The following SEC14L1 variants were observed in gnomAD, a reference collection of about 807,000 sequenced individuals.
The protein encoded by SEC14L1 is SEC14 like lipid binding 1.
In SEC14L1, 48 loss-of-function variants were observed where a neutral mutation model predicts 85.3. The ratio of observed to expected loss-of-function variants is 0.56; its 90% CI spans 0.45 to 0.72. The LOEUF (loss-of-function observed/expected upper bound fraction) is 0.72. Ranked by LOEUF, SEC14L1 falls within the 30% of genes least tolerant of loss-of-function variation. The pLI is 0.00. For synonymous variants in SEC14L1, 391 were observed against 355.5 expected, an observed-to-expected ratio of 1.10 and a Z score of -1.12; for missense variants, 682 against 921.4, an observed-to-expected ratio of 0.74 and a Z score of 3.36.
intron 3 of SEC14L1, among the ~76,000 whole-genome samples, chr17:77,105,373 A>ACCCCCCCCCC (rs796673679): frequency 3.6e-5 from 3 of 82,376 alleles, no homozygotes; most frequent in African/African-American, 5.1e-5. Flanking sequence ...CTCGCTGACC[A>ACCCCCCCCCC]CCCCCCCCCC....
rs538785679 is a variant in SEC14L1, at chr17:77,148,065, C to G, written c.63+4406C>G. ...CTAGGGTGCTTGAGTTGAAGTGTTT[C>G]TTTTTGAAATTTCTAAGATAAAGCA... On this transcript the variant is annotated intron_variant, in intron 3 of 16. Transcript: ENST00000436233. Among the ~76,000 whole-genome samples, 57 of 152,204 alleles carry G rather than the reference C, an allele frequency of 3.7e-4. 1 individual carries two copies. The highest frequency in any genetic ancestry group is 1.3e-3 in the African/African-American group (56 of 41,526).
rs80348478 is a variant in SEC14L1, at chr17:77,186,649, A to G, written c.64-4154A>G. On this transcript the variant is annotated intron_variant, in intron 3 of 16. Transcript: ENST00000436233. ...GATACAGGCAAGAAAACTGAGGGTGACTTTGAAGGAATTGTAGTAAAAACC... is the reference window on the plus strand; with the variant it reads ...GATACAGGCAAGAAAACTGAGGGTGGCTTTGAAGGAATTGTAGTAAAAACC... Among the ~76,000 whole-genome samples, 942 of 152,310 alleles carry G rather than the reference A, an allele frequency of 6.2e-3. 12 individuals are homozygous for G. The highest frequency in any genetic ancestry group is 0.022 in the African/African-American group (895 of 41,552).
intron 3 of SEC14L1, among the ~76,000 whole-genome samples, chr17:77,157,924 A>G (rs1973882427): frequency 6.6e-6 from 1 of 151,938 alleles, no homozygotes; most frequent in Admixed American, 6.5e-5. Flanking sequence ...CGGATTTAAC[A>G]TACACTAGAA....
intron 9 of SEC14L1, among the ~76,000 whole-genome samples, chr17:77,202,789 G>A (rs1241576529): frequency 6.6e-6 from 1 of 150,620 alleles, no homozygotes; most frequent in East Asian, 2.0e-4. Flanking sequence ...GCATGGCAGC[G>A]TGCGCCTGTA....
chr17:77,190,533 T>C (rs1975475374), intron 3 of SEC14L1, among the ~76,000 whole-genome samples: 1 of 152,250 alleles, frequency 6.6e-6, no homozygotes, highest in Non-Finnish European at 1.5e-5. Context: ...AAAACAATCT[T>C]GTCTATAATT....
intron 3 of SEC14L1, among the ~76,000 whole-genome samples, chr17:77,124,018 TA>T (rs2143413621): frequency 6.6e-6 from 1 of 152,370 alleles, no homozygotes; most frequent in South Asian, 2.1e-4. Context: ...TGGGTTCCTC[TA>T]TGAAAGCTTC....
Position 77,167,395 on chromosome 17 carries a change from G to A in SEC14L1, c.64-23408G>A, listed in dbSNP as rs191511309. ...AGTGATCCACCCACCTTGGCCTCTC[G>A]AAATGCTAGAATTACAGACATGAGC... On this transcript the variant is annotated intron_variant, in intron 3 of 16. Transcript: ENST00000436233. 2.8e-3 allele frequency among the ~76,000 whole-genome samples: 431 copies of A among 152,184 alleles called. 2 individuals are homozygous for A. The highest frequency in any genetic ancestry group is 9.6e-3 in the African/African-American group (399 of 41,526).
At chr17:77,120,482 CTT>C (rs111513781) in intron 3 of SEC14L1, among the ~76,000 whole-genome samples, 18 of 143,282 alleles carry the variant, frequency 1.3e-4, no homozygotes, top group Non-Finnish European at 1.4e-4. Context: ...TCTCCACATT[CTT>C]TTTTTTTTTT....
At position 77,190,913 on chromosome 17, in the gene SEC14L1, C is replaced by G. The variant is rs144815495; in HGVS notation, c.174C>G (p.Arg58=). 4,111 of 1,614,222 alleles carry G rather than the reference C, an allele frequency of 2.5e-3. 12 individuals are homozygous for G. The highest frequency in any genetic ancestry group is 3.2e-3 in the Non-Finnish European group (3,770 of 1,180,044). Reference sequence around the variant, plus strand: ...GGGCTATTCATGTCATTGAAAGGCGCTGCAAGCTGGATGTAGATGCACCCA... The same window carrying G: ...GGGCTATTCATGTCATTGAAAGGCGGTGCAAGCTGGATGTAGATGCACCCA... ...EDGAIHVIER[R]CKLDVDAPRL... Residue 58 remains arginine, a synonymous_variant, in exon 4 of 17, where the codon CGC becomes CGG. Coordinates refer to ENST00000436233, the MANE Select transcript of SEC14L1 (RefSeq NM_001143998.2).
chr17:77,204,144 A>G lies in SEC14L1; in HGVS notation c.1098+486A>G, dbSNP rs1449384350. On this transcript the variant is annotated intron_variant, in intron 10 of 16. Coordinates refer to ENST00000436233, the MANE Select transcript of SEC14L1 (RefSeq NM_001143998.2). ...TCCCAGAGAAGAAGATGGTCCTTCA[A>G]TTTGAAAACAAACAGAAACTTAAAA... 2.0e-5 allele frequency among the ~76,000 whole-genome samples: 3 copies of G among 152,156 alleles called. No homozygotes were observed. In the East Asian group the frequency reaches 5.8e-4, roughly 29 times the overall value.
intron 3 of SEC14L1, among the ~76,000 whole-genome samples, chr17:77,130,819 T>A (rs1268205744): frequency 6.6e-6 from 1 of 152,142 alleles, no homozygotes; most frequent in Non-Finnish European, 1.5e-5. Flanking sequence ...TTGTCCAAGC[T>A]GGTCTTGAAT....
chr17:77,151,268 T>TGTGG (rs1434187711), intron 3 of SEC14L1, among the ~76,000 whole-genome samples: 50 of 152,288 alleles, frequency 3.3e-4, no homozygotes, highest in Middle Eastern at 3.4e-3. Context: ...TGCCCTCGTT[T>TGTGG]GTAAAGTTGT....
At chr17:77,097,897 C>T (rs552199090) in intron 3 of SEC14L1, among the ~76,000 whole-genome samples, 1 of 152,244 alleles carries the variant, frequency 6.6e-6, no homozygotes, top group East Asian at 1.9e-4. Context: ...AGCCCCACTA[C>T]GGAGGAGCAC....
In SEC14L1 at chr17:77,209,755, T is replaced by TAGGA; in HGVS notation, c.1611+281_1611+284dup. 3 of 306,726 alleles carry TAGGA rather than the reference T, an allele frequency of 9.8e-6. No homozygotes were observed. In the East Asian group the frequency reaches 1.8e-4, roughly 18 times the overall value. The allele number at this position is 306,726 out of a possible 1,614,324, so 19.0% of individuals were successfully genotyped here. A position where few individuals can be genotyped will look rare whatever the true frequency, so the allele number is the denominator to read the frequency against. On this transcript the variant is annotated intron_variant, in intron 14 of 16. Transcript: ENST00000436233. ...TTACTAAAGCCACCAAACACAGAGATAGGAATAGCTAATCTTTCCTTGTTG... is the reference window on the plus strand; with the variant it reads ...TTACTAAAGCCACCAAACACAGAGATAGGAAGGAATAGCTAATCTTTCCTTGTTG...
chr17:77,106,092 C>T (rs1022708664), intron 3 of SEC14L1, among the ~76,000 whole-genome samples: 2 of 152,110 alleles, frequency 1.3e-5, no homozygotes, highest in African/African-American at 4.8e-5. Flanking sequence ...GGCCAGGGGA[C>T]ATTGAAATTA....
At chr17:77,154,442 G>A (rs1156352560) in intron 3 of SEC14L1, among the ~76,000 whole-genome samples, 1 of 152,180 alleles carries the variant, frequency 6.6e-6, no homozygotes, top group Non-Finnish European at 1.5e-5. Flanking sequence ...TGAACAGAGC[G>A]AGGCCCTGTA....
At chr17:77,147,461 T>G (rs1973365780) in intron 3 of SEC14L1, among the ~76,000 whole-genome samples, 1 of 152,036 alleles carries the variant, frequency 6.6e-6, no homozygotes, top group Non-Finnish European at 1.5e-5. Flanking sequence ...CAGTAGGCAT[T>G]TGCATGGTGT....
intron 3 of SEC14L1, among the ~76,000 whole-genome samples, chr17:77,114,187 T>C (rs1598237850): frequency 6.6e-6 from 1 of 152,128 alleles, no homozygotes; most frequent in Non-Finnish European, 1.5e-5. Context: ...TGACAAATGA[T>C]CCCAGGAGCC....
intron 3 of SEC14L1, among the ~76,000 whole-genome samples, chr17:77,107,726 A>C (rs970516480): frequency 2.6e-5 from 4 of 152,108 alleles, no homozygotes; most frequent in African/African-American, 9.7e-5. Flanking sequence ...TTGCAACAAC[A>C]GCAAAGGCTT....
Sources: allele counts gnomAD v4.1 joint callset (sites outside exome capture counted in the v4.1 genomes callset), GRCh38; gene constraint gnomAD v4.1.1; transcripts MANE v1.5; gene names NCBI Gene and HGNC (gene_info 2026-07-23, HGNC 2026-07-21).